ANKRD11: variants seen among roughly 807,000 people sequenced by gnomAD.
ANKRD11 encodes the protein ankyrin repeat domain 11.
Under a neutral mutation model 195.7 loss-of-function variants are expected in ANKRD11, and 17 were observed. The observed-to-expected ratio is 0.09, with a 90% CI of 0.06 to 0.13. ANKRD11 has a LOEUF of 0.13. ANKRD11 is among the 10% of genes least tolerant of loss of function. ANKRD11 has a pLI of 1.00. For missense variants in ANKRD11, 3,735 were observed against 3,566.1 expected (o/e 1.05, Z -1.21); for synonymous variants, 1,953 against 1,528.1 (o/e 1.28, Z -6.49).
intron 2 of ANKRD11, among the ~76,000 whole-genome samples, chr16:89,388,701 G>A (rs969397092): frequency 1.1e-4 from 17 of 152,138 alleles, no homozygotes; most frequent in African/African-American, 3.9e-4. Flanking sequence ...CGGACAGGAC[G>A]TCATCCACAC....
intron 1 of ANKRD11, among the ~76,000 whole-genome samples, chr16:89,444,844 G>T (rs1182686357): frequency 6.6e-6 from 1 of 152,258 alleles, no homozygotes; most frequent in South Asian, 2.1e-4. Flanking sequence ...CAACTATGAT[G>T]TAACAACCAA....
intron 1 of ANKRD11, among the ~76,000 whole-genome samples, chr16:89,455,711 G>GC: frequency 6.6e-6 from 1 of 152,156 alleles, no homozygotes; most frequent in East Asian, 1.9e-4. Flanking sequence ...AGCCCCCATT[G>GC]CTGGTACAAA....
At chr16:89,296,547 T>G (rs1294327505) in intron 4 of ANKRD11, among the ~76,000 whole-genome samples, 1 of 152,252 alleles carries the variant, frequency 6.6e-6, no homozygotes, top group Non-Finnish European at 1.5e-5. Flanking sequence ...TAGTTTTCAT[T>G]TCCAGATATT....
intron 2 of ANKRD11, among the ~76,000 whole-genome samples, chr16:89,331,265 A>T (rs2038053090): frequency 6.6e-6 from 1 of 152,220 alleles, no homozygotes; most frequent in Admixed American, 6.5e-5. Flanking sequence ...GATGAAATAC[A>T]TTCTTAATAT....
intron 2 of ANKRD11, among the ~76,000 whole-genome samples, chr16:89,394,479 T>C (rs1230734885): frequency 2.0e-5 from 3 of 151,944 alleles, no homozygotes; most frequent in African/African-American, 4.8e-5. Flanking sequence ...AATACAAAAA[T>C]TAGCTGTGCG....
chr16:89,284,855 T>C lies in ANKRD11; in HGVS notation c.1687A>G (p.Ser563Gly), dbSNP rs1187226524. 3 of 1,613,940 alleles carry C rather than the reference T, an allele frequency of 1.9e-6. No homozygotes were observed. Among genetic ancestry groups the C allele is most frequent in the Admixed American group, 3.3e-5 (2 of 60,006 alleles). The change falls in exon 9 of 13, where the codon AGT becomes GGT. Residue 563 changes from serine to glycine, a missense_variant. Physicochemically the swap from Ser to Gly is moderately conservative, Grantham distance 56 (BLOSUM62 0). Transcript: ENST00000301030. Reference protein sequence around the residue: ...TISSPAWSEVSSLSDSTRTRL... With the variant: ...TISSPAWSEVGSLSDSTRTRL... ...GTCCTTGTGGAGTCTGATAAAGAAC[T>C]GACCTCTGACCAAGCCGGGGAAGAA...
chr16:89,396,725 C>T (rs544723492), intron 2 of ANKRD11, among the ~76,000 whole-genome samples: 1 of 152,262 alleles, frequency 6.6e-6, no homozygotes, highest in South Asian at 2.1e-4. Context: ...TTTACTCTGT[C>T]GCCCAGGCTG....
intron 2 of ANKRD11, among the ~76,000 whole-genome samples, chr16:89,351,472 C>G (rs978237853): frequency 2.6e-5 from 4 of 152,330 alleles, no homozygotes; most frequent in Non-Finnish European, 5.9e-5. Context: ...CACCAAATAA[C>G]TGATTCTCAT....
rs139178012 is a variant in ANKRD11, at chr16:89,278,172, G to A, written c.7470+900C>T. 3.7e-3 allele frequency: 1,105 copies of A among 299,714 alleles called. 9 individuals carry two copies. The highest frequency in any genetic ancestry group is 0.023 in the African/African-American group (1,040 of 45,388). 18.6% of individuals were successfully genotyped at this position (299,714 alleles called of 1,614,324 possible). On this transcript the variant is annotated intron_variant, in intron 9 of 12. Transcript: ENST00000301030. Reference sequence around the variant, plus strand: ...AAGAGCCAGAACGCCACACGCTGGGGCTGGATGGACCCTGGGGGGCCTGAG... The same window carrying A: ...AAGAGCCAGAACGCCACACGCTGGGACTGGATGGACCCTGGGGGGCCTGAG...
chr16:89,355,616 A>C (rs1253997265), intron 2 of ANKRD11, among the ~76,000 whole-genome samples: 3 of 152,208 alleles, frequency 2.0e-5, no homozygotes, highest in Admixed American at 2.0e-4. Context: ...GAAATGTCAC[A>C]GTATCGCCAG....
At chr16:89,344,598 C>G (rs574382132) in intron 2 of ANKRD11, among the ~76,000 whole-genome samples, 21 of 152,348 alleles carry the variant, frequency 1.4e-4, no homozygotes, top group African/African-American at 5.1e-4. Context: ...GCCCACAATG[C>G]AAGCGTCCGG....
At chr16:89,389,558 G>A (rs1756976474) in intron 2 of ANKRD11, among the ~76,000 whole-genome samples, 1 of 152,166 alleles carries the variant, frequency 6.6e-6, no homozygotes, top group Admixed American at 6.5e-5. Context: ...ACACTGGAAT[G>A]AACCTCTAGA....
chr16:89,443,918 C>T (rs1307943355), intron 1 of ANKRD11, among the ~76,000 whole-genome samples: 2 of 152,150 alleles, frequency 1.3e-5, no homozygotes, highest in Non-Finnish European at 2.9e-5. Context: ...CTACAGCTGC[C>T]GTGCCGGGCC....
intron 1 of ANKRD11, among the ~76,000 whole-genome samples, chr16:89,460,922 C>T (rs910356087): frequency 1.4e-5 from 2 of 144,596 alleles, no homozygotes; most frequent in African/African-American, 5.1e-5. Flanking sequence ...AGGAGAGGTG[C>T]CTTGGACAGT....
chr16:89,296,300 C>A (rs1399932064), intron 4 of ANKRD11, among the ~76,000 whole-genome samples: 1 of 152,104 alleles, frequency 6.6e-6, no homozygotes, highest in Non-Finnish European at 1.5e-5. Context: ...CCCTCTGCTG[C>A]CGGCCTCTGG....
intron 10 of ANKRD11, 27 bp from the exon 11 acceptor site, chr16:89,274,984 C>G (rs1308167888): frequency 6.2e-7 from 1 of 1,612,638 alleles, no homozygotes; most frequent in African/African-American, 1.3e-5. Flanking sequence ...GTAGAGTGAG[C>G]TGGGACACAG....
At chr16:89,321,465 G>A (rs911031571) in intron 2 of ANKRD11, among the ~76,000 whole-genome samples, 8 of 142,430 alleles carry the variant, frequency 5.6e-5, no homozygotes, top group Admixed American at 4.7e-4. Context: ...GCTGCGGGGC[G>A]GGGACTGTGG....
intron 1 of ANKRD11, among the ~76,000 whole-genome samples, chr16:89,428,100 C>G (rs1024816603): frequency 6.8e-6 from 1 of 147,294 alleles, no homozygotes; most frequent in Non-Finnish European, 1.5e-5. Context: ...CCCAGCTACT[C>G]GGGAGGCTGA....
intron 3 of ANKRD11, among the ~76,000 whole-genome samples, chr16:89,310,107 A>C (rs1444472299): frequency 6.6e-6 from 1 of 152,258 alleles, no homozygotes; most frequent in Admixed American, 6.5e-5. Context: ...TTCTGGTAAG[A>C]ATGAGAGTCG....
Sources: allele counts gnomAD v4.1 joint callset (sites outside exome capture counted in the v4.1 genomes callset), GRCh38; gene constraint gnomAD v4.1.1; transcripts MANE v1.5; gene names NCBI Gene and HGNC (gene_info 2026-07-23, HGNC 2026-07-21).